The following DNAJC5B variants were observed in gnomAD, a reference collection of about 807,000 sequenced individuals.
The protein encoded by DNAJC5B is DnaJ heat shock protein family (Hsp40) member C5 beta, also known as dnaJ homolog subfamily C member 5B.
DNAJC5B carries 23 observed loss-of-function variants against 24.7 expected under a neutral mutation model. That is an observed-to-expected ratio of 0.93 (90% CI 0.67 to 1.32). The LOEUF (loss-of-function observed/expected upper bound fraction) is 1.32, where lower values mean the gene tolerates loss of function less well. Ranked by LOEUF, DNAJC5B falls within the 40% of genes most tolerant of loss-of-function variation. The probability of loss-of-function intolerance (pLI) is 0.00; values close to 1 mark genes in which losing one functional copy is unlikely to be tolerated. For synonymous variants in DNAJC5B, 101 were observed against 90.1 expected, an observed-to-expected ratio of 1.12 and a Z score of -0.68; for missense variants, 238 against 240.8, an observed-to-expected ratio of 0.99 and a Z score of 0.08.
chr8:66,015,910 A>C, the DNAJC5B span, among the ~76,000 whole-genome samples: 1 of 152,236 alleles, frequency 6.6e-6, no homozygotes, highest in Non-Finnish European at 1.5e-5. Flanking sequence ...TGCAGTGGAC[A>C]GTGAGAGAAC....
chr8:66,056,005 T>C (rs374122065), intron 3 of DNAJC5B, among the ~76,000 whole-genome samples: 12 of 152,190 alleles, frequency 7.9e-5, no homozygotes, highest in Non-Finnish European at 1.5e-4. Flanking sequence ...AAAGATGATG[T>C]AGACTTTTCT....
chr8:66,065,895 T>C (rs942155424), intron 3 of DNAJC5B, among the ~76,000 whole-genome samples: 1 of 152,082 alleles, frequency 6.6e-6, no homozygotes, highest in African/African-American at 2.4e-5. Context: ...GCATGGCAGG[T>C]CTTTTGAGTC....
At chr8:66,060,228 C>A (rs574097912) in intron 3 of DNAJC5B, among the ~76,000 whole-genome samples, 2 of 152,146 alleles carry the variant, frequency 1.3e-5, no homozygotes, top group African/African-American at 4.8e-5. Flanking sequence ...TCCAACAGAC[C>A]CCCCTCCTCT....
chr8:66,064,257 C>G (rs973546449), intron 3 of DNAJC5B, among the ~76,000 whole-genome samples: 1 of 152,108 alleles, frequency 6.6e-6, no homozygotes, highest in Non-Finnish European at 1.5e-5. Context: ...TTTGTTTTTG[C>G]ACTGAGAAAA....
At chr8:66,023,803 G>T (rs1437161490) in intron 1 of DNAJC5B, among the ~76,000 whole-genome samples, 1 of 152,286 alleles carries the variant, frequency 6.6e-6, no homozygotes, top group East Asian at 1.9e-4. Flanking sequence ...TAACATGATA[G>T]TGTAGGAGGA....
At chr8:66,021,236 G>A (rs189617825), upstream of DNAJC5B, among the ~76,000 whole-genome samples, 1 of 151,580 alleles carries the variant, frequency 6.6e-6, no homozygotes, top group Admixed American at 6.6e-5. Flanking sequence ...TTCCTCATCT[G>A]CAAAAAAAAA....
At chr8:66,015,369 G>A in the DNAJC5B span, among the ~76,000 whole-genome samples, 7 of 152,036 alleles carry the variant, frequency 4.6e-5, no homozygotes, top group East Asian at 1.9e-4. Context: ...TTTAGACATC[G>A]GCCTTATGGC....
At chr8:66,050,112 T>C (rs1450959627) in intron 2 of DNAJC5B, among the ~76,000 whole-genome samples, 3 of 152,198 alleles carry the variant, frequency 2.0e-5, no homozygotes, top group African/African-American at 7.2e-5. Flanking sequence ...AAGTATTCTT[T>C]CCCAAGTACC....
chr8:66,037,357 G>T (rs1806509886), intron 1 of DNAJC5B, among the ~76,000 whole-genome samples: 1 of 152,176 alleles, frequency 6.6e-6, no homozygotes, highest in Admixed American at 6.5e-5. Context: ...GAGGGCATGA[G>T]AGGCTTCGTG....
At chr8:66,074,890 G>A (rs534963147) in intron 3 of DNAJC5B, among the ~76,000 whole-genome samples, 22 of 152,300 alleles carry the variant, frequency 1.4e-4, no homozygotes, top group African/African-American at 5.3e-4. Flanking sequence ...TGTGTTACAA[G>A]TGGAGGTGTT....
rs554382267 is a variant in DNAJC5B at position 66,039,279 on chromosome 8, T to G, written c.-141-4209T>G. On this transcript the variant is annotated intron_variant, in intron 1 of 5. Coordinates refer to ENST00000276570, the MANE Select transcript of DNAJC5B (RefSeq NM_033105.6). ...TCACTGGCTGGTTACCTTGGGCAATTCACTCAACCTCCTCAATCTTAAATT... is the reference window on the plus strand; with the variant it reads ...TCACTGGCTGGTTACCTTGGGCAATGCACTCAACCTCCTCAATCTTAAATT... Among the ~76,000 whole-genome samples the G allele has an allele frequency of 2.0e-5, 3 of 152,090 alleles. No homozygotes were observed. The East Asian group carries it at 5.8e-4, about 29-fold the overall frequency.
chr8:66,055,495 T>G (rs1287101588), intron 3 of DNAJC5B, among the ~76,000 whole-genome samples: 1 of 152,248 alleles, frequency 6.6e-6, no homozygotes, highest in Non-Finnish European at 1.5e-5. Flanking sequence ...TTGCATTTTA[T>G]TTTTAAAAAG....
intron 1 of DNAJC5B, among the ~76,000 whole-genome samples, chr8:66,038,569 GT>G (rs996284062): frequency 4.6e-5 from 7 of 152,132 alleles, no homozygotes; most frequent in Admixed American, 4.6e-4. Context: ...AGAACTTTTT[GT>G]GAAAAAACAC....
chr8:66,022,295 C>T (rs1806147894), intron 1 of DNAJC5B, among the ~76,000 whole-genome samples: 1 of 152,174 alleles, frequency 6.6e-6, no homozygotes. Flanking sequence ...TTCTACAATA[C>T]TTGTTTCTTC....
chr8:66,086,833 C>A (rs1807737259), intron 5 of DNAJC5B, among the ~76,000 whole-genome samples: 1 of 152,130 alleles, frequency 6.6e-6, no homozygotes, highest in South Asian at 2.1e-4. Context: ...ATATGGTTAG[C>A]AGTTCTTTCT....
At chr8:66,044,830 C>A (rs1806690390) in intron 2 of DNAJC5B, among the ~76,000 whole-genome samples, 1 of 151,898 alleles carries the variant, frequency 6.6e-6, no homozygotes. Context: ...AGATGAGGGA[C>A]TATGAATAAA....
chr8:66,041,111 G>C (rs1806599342), intron 1 of DNAJC5B, among the ~76,000 whole-genome samples: 1 of 152,062 alleles, frequency 6.6e-6, no homozygotes, highest in Admixed American at 6.6e-5. Context: ...TTAACACAAT[G>C]AATCTTGATC....
intron 5 of DNAJC5B, among the ~76,000 whole-genome samples, chr8:66,090,076 T>C (rs1807813783): frequency 6.6e-6 from 1 of 152,132 alleles, no homozygotes; most frequent in Non-Finnish European, 1.5e-5. Flanking sequence ...GAGTTCTACA[T>C]TGTGAAATTT....
chr8:66,077,523 A>G (rs776883062), intron 4 of DNAJC5B, among the ~76,000 whole-genome samples: 1 of 152,158 alleles, frequency 6.6e-6, no homozygotes, highest in Non-Finnish European at 1.5e-5. Flanking sequence ...TCTAGTATAT[A>G]TATGTTTGGT....
Sources: gnomAD v4.1 joint callset for allele counts (sites outside exome capture counted in the v4.1 genomes callset) on GRCh38, gnomAD v4.1.1 for gene constraint, MANE v1.5 for transcripts, NCBI Gene and HGNC (gene_info 2026-07-23, HGNC 2026-07-21) for gene names.